The following ECHDC2 variants were observed in gnomAD, a reference collection of about 807,000 sequenced individuals.
ECHDC2 encodes the protein enoyl-CoA hydratase domain-containing protein 2, mitochondrial.
A neutral mutation model predicts 40.6 loss-of-function variants in ECHDC2; 34 were observed. That is an observed-to-expected ratio of 0.84 (90% CI 0.64 to 1.11). ECHDC2 has a LOEUF of 1.11. Among genes scored for constraint, ECHDC2 ranks in the 50% most tolerant of loss-of-function variants. The pLI, the probability that ECHDC2 is intolerant of heterozygous loss-of-function variation, is 0.00. For synonymous variants in ECHDC2, 162 were observed against 166.6 expected, an observed-to-expected ratio of 0.97 and a Z score of 0.21; for missense variants, 392 against 400.7, an observed-to-expected ratio of 0.98 and a Z score of 0.19.
At chr1:52,910,352 G>GCTT (rs1649094598) in intron 3 of ECHDC2, among the ~76,000 whole-genome samples, 2 of 32,062 alleles carry the variant, frequency 6.2e-5, no homozygotes, top group African/African-American at 2.2e-4. Flanking sequence ...CCACAATTTC[G>GCTT]TTTTTTTTTT....
chr1:52,897,795 C>G, intron 8 of ECHDC2: 1 of 489,014 alleles, frequency 2.0e-6, no homozygotes, highest in Non-Finnish European at 3.7e-6. Flanking sequence ...GCCTCTAGGG[C>G]CCACTGACTG....
intron 3 of ECHDC2, among the ~76,000 whole-genome samples, chr1:52,910,801 G>A (rs549707901): frequency 6.6e-6 from 1 of 152,228 alleles, no homozygotes; most frequent in Non-Finnish European, 1.5e-5. Context: ...CACAAGATAC[G>A]GTGGCATGCA....
intron 7 of ECHDC2, chr1:52,899,544 G>T: frequency 3.0e-6 from 1 of 335,158 alleles, no homozygotes; most frequent in Non-Finnish European, 5.5e-6. Flanking sequence ...CACACTTCTA[G>T]GCTGGTGTCA....
intron 5 of ECHDC2, chr1:52,906,072 A>G (rs751535514): frequency 5.9e-6 from 2 of 336,838 alleles, no homozygotes; most frequent in South Asian, 2.4e-5. Flanking sequence ...ACAAAGCTCA[A>G]TTGCTCAGAA....
chr1:52,911,422 A>G, intron 3 of ECHDC2, 144 bp downstream of exon 3: 1 of 771,458 alleles, frequency 1.3e-6, no homozygotes, highest in South Asian at 1.7e-5. Flanking sequence ...AGGCAAGGGA[A>G]TTTTCCTCCC....
At position 52,904,721 on chromosome 1, in the gene ECHDC2, G is replaced by A. The variant is rs765941271; in HGVS notation, c.627C>T (p.His209=). 1.7e-5 allele frequency: 27 copies of A among 1,612,718 alleles called. No individual in the cohort carries two copies. The South Asian group carries it at 2.3e-4, about 14-fold the overall frequency. ...CCCCCTCCTCGTTCTGGGCCACAGC[G>A]TGATTCACCAGCCCCAGTACGTGGG... The part of the protein sequence containing the change: ...TEAHVLGLVN[H]AVAQNEEGDA... Residue 209 remains histidine, a synonymous_variant, in exon 7 of 10, where the codon CAC becomes CAT. Coordinates refer to ENST00000371522, the MANE Select transcript of ECHDC2 (RefSeq NM_001198961.2).
intron 1 of ECHDC2, chr1:52,915,314 G>C (rs1472108238): frequency 6.6e-6 from 3 of 456,046 alleles, no homozygotes; most frequent in Admixed American, 4.7e-5. Flanking sequence ...CAGTGTTTAT[G>C]AAGTTGGCAT....
intron 9 of ECHDC2, chr1:52,897,161 A>C: frequency 1.9e-6 from 1 of 525,498 alleles, no homozygotes; most frequent in Non-Finnish European, 3.4e-6. Context: ...CAGAGGCAAA[A>C]GATGTGGTTC....
rs545747807 is a variant in ECHDC2 at position 52,921,538 on chromosome 1, G to T, written c.121+15C>A. ...CCCAGTCGCGTCATGCGCCGCCCCGGAACTGCACATTTACCTTGGTCCGGA... is the reference window on the plus strand; with the variant it reads ...CCCAGTCGCGTCATGCGCCGCCCCGTAACTGCACATTTACCTTGGTCCGGA... On this transcript the variant is annotated intron_variant, in intron 1 of 9. Coordinates refer to ENST00000371522, the MANE Select transcript of ECHDC2 (RefSeq NM_001198961.2). 6.2e-7 allele frequency: 1 copy of T among 1,607,238 alleles called. No individual in the cohort carries two copies. The highest frequency in any genetic ancestry group is 2.2e-5 in the East Asian group (1 of 44,548).
chr1:52,904,289 A>G (rs1175521701), intron 7 of ECHDC2, among the ~76,000 whole-genome samples: 1 of 152,186 alleles, frequency 6.6e-6, no homozygotes, highest in East Asian at 1.9e-4. Flanking sequence ...AAATGTGGCT[A>G]GTGTGAATGA....
intron 1 of ECHDC2, 140 bp from the exon 2 acceptor site, chr1:52,911,930 C>T: frequency 1.4e-6 from 2 of 1,474,426 alleles, no homozygotes; most frequent in Non-Finnish European, 1.8e-6. Flanking sequence ...ACAAGTCACA[C>T]ACTCAGGCAG....
intron 8 of ECHDC2, 49 bp downstream of exon 8, chr1:52,899,125 G>T: frequency 6.3e-7 from 1 of 1,597,720 alleles, no homozygotes; most frequent in Non-Finnish European, 8.6e-7. Flanking sequence ...CTGTGTCCCA[G>T]CCGCGACCAA....
intron 9 of ECHDC2, 61 bp downstream of exon 9, chr1:52,897,376 A>G: frequency 6.4e-7 from 1 of 1,554,940 alleles, no homozygotes; most frequent in Non-Finnish European, 8.9e-7. Flanking sequence ...GTACCATACA[A>G]AGTCCCTCTA....
In ECHDC2 at chr1:52,921,675, G is replaced by C. The variant is rs1015094171; in HGVS notation, c.-2C>G. The C allele has an allele frequency of 1.9e-6, 3 of 1,560,520 alleles. No homozygotes were observed. Among genetic ancestry groups the C allele is most frequent in the Admixed American group, 3.8e-5 (2 of 52,860 alleles). ...CAGGAGGCACAGAACGCGCAGCATC[G>C]GGGCGCAGGCTGGGAGTGAAGGTGC... On this transcript the variant is annotated 5_prime_UTR_variant, in exon 1 of 10. Coordinates refer to ENST00000371522, the MANE Select transcript of ECHDC2 (RefSeq NM_001198961.2).
At chr1:52,903,228 C>CATG (rs1221469687) in intron 7 of ECHDC2, among the ~76,000 whole-genome samples, 1 of 151,870 alleles carries the variant, frequency 6.6e-6, no homozygotes, top group Non-Finnish European at 1.5e-5. Context: ...CTTTGGGGTA[C>CATG]CATGCTGAGA....
intron 1 of ECHDC2, among the ~76,000 whole-genome samples, chr1:52,915,496 A>G (rs1035631762): frequency 6.6e-6 from 1 of 152,170 alleles, no homozygotes; most frequent in Non-Finnish European, 1.5e-5. Flanking sequence ...GAGCTCTTAG[A>G]GCCCAGCAGG....
At chr1:52,908,203 G>C (rs1003522970) in intron 3 of ECHDC2, among the ~76,000 whole-genome samples, 1 of 152,176 alleles carries the variant, frequency 6.6e-6, no homozygotes, top group African/African-American at 2.4e-5. Context: ...ACTATCAATA[G>C]AATACAAAGA....
chr1:52,903,821 C>CTTTTTTTTTTTT, intron 7 of ECHDC2, among the ~76,000 whole-genome samples: 1 of 144,684 alleles, frequency 6.9e-6, no homozygotes, highest in Non-Finnish European at 1.5e-5. Context: ...TTCTTTCTTT[C>CTTTTTTTTTTTT]TTTTTTTTTT....
intron 5 of ECHDC2, 67 bp from the exon 6 acceptor site, chr1:52,905,157 C>T (rs1647453525): frequency 6.4e-7 from 1 of 1,562,780 alleles, no homozygotes; most frequent in South Asian, 1.1e-5. Context: ...TCCCGGGGGC[C>T]ACAGCTGCCT....
Sources: gnomAD v4.1 joint callset for allele counts (sites outside exome capture counted in the v4.1 genomes callset) on GRCh38, gnomAD v4.1.1 for gene constraint, MANE v1.5 for transcripts, NCBI Gene and HGNC (gene_info 2026-07-23, HGNC 2026-07-21) for gene names.